The following PTPRN2 variants were observed in gnomAD, a reference collection of about 807,000 sequenced individuals.
The protein encoded by PTPRN2 is receptor-type tyrosine-protein phosphatase N2.
Under a neutral mutation model 118.8 loss-of-function variants are expected in PTPRN2, and 74 were observed. The observed-to-expected ratio is 0.62, with a 90% confidence interval of 0.52 to 0.76. The LOEUF is 0.76. Ranked by LOEUF, PTPRN2 falls within the 30% of genes least tolerant of loss-of-function variation. PTPRN2 has a pLI of 0.00. For missense variants in PTPRN2, 1,481 were observed against 1,394.4 expected (o/e 1.06, Z -0.99); for synonymous variants, 641 against 608.0 (o/e 1.05, Z -0.80).
Position 157,801,042 on chromosome 7 carries a change from T to C in PTPRN2, c.1788+97631A>G, listed in dbSNP as rs541544788. Among the ~76,000 whole-genome samples, 2 of 146,956 alleles carry C rather than the reference T, an allele frequency of 1.4e-5. No homozygotes were observed. The highest frequency in any genetic ancestry group is 3.0e-5 in the Non-Finnish European group (2 of 65,992). On this transcript the variant is annotated intron_variant, in intron 12 of 22. Coordinates refer to ENST00000389418, the MANE Select transcript of PTPRN2 (RefSeq NM_002847.5). The surrounding 1 kb of genome is among the most constrained non-coding windows in gnomAD (Gnocchi z 4.2). ...ACACACATATATATACACATATATA[T>C]ACACATATATACACATATATATACA...
chr7:157,545,719 G>A (rs187081954), intron 22 of PTPRN2, among the ~76,000 whole-genome samples: 9 of 152,150 alleles, frequency 5.9e-5, no homozygotes, highest in Admixed American at 1.3e-4. Flanking sequence ...CTCTCCTGAG[G>A]GGCATCTTTT....
intron 2 of PTPRN2, among the ~76,000 whole-genome samples, chr7:158,481,686 ACT>A (rs1820653242): frequency 6.6e-6 from 1 of 151,038 alleles, no homozygotes; most frequent in Admixed American, 6.6e-5. Context: ...CTGGTCTTGA[ACT>A]CCTGACCTTG....
intron 11 of PTPRN2, among the ~76,000 whole-genome samples, chr7:158,075,888 G>C (rs1004733464): frequency 6.6e-6 from 1 of 152,208 alleles, no homozygotes; most frequent in African/African-American, 2.4e-5. Context: ...GCTCCATGGA[G>C]GACGTGACAC....
intron 2 of PTPRN2, 50 bp downstream of exon 2, chr7:158,489,685 G>A (rs1167828477): frequency 3.3e-6 from 5 of 1,528,422 alleles, no homozygotes; most frequent in East Asian, 2.5e-5. Flanking sequence ...TGCGCACGGC[G>A]GGCAGGAGAG....
At chr7:158,138,632 GGGC>G in intron 6 of PTPRN2, 117 bp from the exon 7 acceptor site, 3 of 879,282 alleles carry the variant, frequency 3.4e-6, no homozygotes, top group Middle Eastern at 2.5e-4. Flanking sequence ...TGGCCACCTA[GGGC>G]CAGGCGCAGG....
intron 11 of PTPRN2, among the ~76,000 whole-genome samples, chr7:158,057,122 G>C (rs563295326): frequency 6.6e-6 from 1 of 152,204 alleles, no homozygotes; most frequent in African/African-American, 2.4e-5. Context: ...CTGTGGACGC[G>C]GGAGCATCTA....
At chr7:157,933,775 T>C (rs370009533) in intron 11 of PTPRN2, among the ~76,000 whole-genome samples, 2,738 of 99,184 alleles carry the variant, frequency 0.028, 52 homozygotes, top group Non-Finnish European at 0.043. Flanking sequence ...TGATTGACAG[T>C]TTTAGAGGAG....
At chr7:157,660,632 C>T (rs1251919385) in intron 13 of PTPRN2, among the ~76,000 whole-genome samples, 2 of 152,120 alleles carry the variant, frequency 1.3e-5, no homozygotes, top group African/African-American at 2.4e-5. Flanking sequence ...CAGAGAAAGC[C>T]TCAAGCATTC....
In PTPRN2 at chr7:157,560,699, C is replaced by T. The variant is rs1310713976; in HGVS notation, c.2902+8203G>A. ...TCTCCCTTGAAGAGAAAGGTGCAGACAGGCTCCCTCTCCCCTTCCCTCCTC... is the reference window on the plus strand; with the variant it reads ...TCTCCCTTGAAGAGAAAGGTGCAGATAGGCTCCCTCTCCCCTTCCCTCCTC... On this transcript the variant is annotated intron_variant, in intron 21 of 22. Coordinates refer to ENST00000389418, the MANE Select transcript of PTPRN2 (RefSeq NM_002847.5). The surrounding 1 kb of genome is among the most constrained non-coding windows in gnomAD (Gnocchi z 6.7). 6.6e-6 allele frequency among the ~76,000 whole-genome samples: 1 copy of T among 152,220 alleles called. No homozygotes were observed. The highest frequency in any genetic ancestry group is 1.5e-5 in the Non-Finnish European group (1 of 68,042).
chr7:158,401,002 T>C (rs932304059), intron 2 of PTPRN2, among the ~76,000 whole-genome samples: 1 of 151,908 alleles, frequency 6.6e-6, no homozygotes, highest in Non-Finnish European at 1.5e-5. Context: ...TGGGCCCTGC[T>C]CCGCCTCCTG....
chr7:157,962,331 A>C (rs62475408), intron 11 of PTPRN2, among the ~76,000 whole-genome samples: 17,249 of 147,864 alleles, frequency 0.12, 1,041 homozygotes, highest in Middle Eastern at 0.21. Flanking sequence ...GTGTTATTCC[A>C]CCAGCGGGAG....
chr7:158,224,471 A>G (rs1828602956), intron 3 of PTPRN2, among the ~76,000 whole-genome samples: 1 of 152,216 alleles, frequency 6.6e-6, no homozygotes, highest in South Asian at 2.1e-4. Context: ...ACAAAGATGC[A>G]TAAACAATTT....
chr7:157,809,492 C>G (rs755649947), intron 12 of PTPRN2, among the ~76,000 whole-genome samples: 1 of 152,138 alleles, frequency 6.6e-6, no homozygotes, highest in African/African-American at 2.4e-5. Flanking sequence ...AACCGTTTCC[C>G]CAAAAAGACA....
intron 1 of PTPRN2, among the ~76,000 whole-genome samples, chr7:158,575,852 T>A (rs1032757479): frequency 1.5e-4 from 23 of 152,112 alleles, no homozygotes; most frequent in Admixed American, 1.2e-3. Context: ...CCAATAATAA[T>A]TTCAGTATTA....
intron 2 of PTPRN2, among the ~76,000 whole-genome samples, chr7:158,327,337 TCA>T (rs955283830): frequency 9.0e-5 from 13 of 144,858 alleles, no homozygotes; most frequent in East Asian, 4.1e-4. Context: ...ACACACGTGC[TCA>T]CACATGCTCA....
intron 2 of PTPRN2, among the ~76,000 whole-genome samples, chr7:158,396,200 G>A (rs1206551086): frequency 6.6e-6 from 1 of 152,180 alleles, no homozygotes; most frequent in African/African-American, 2.4e-5. Flanking sequence ...CCCAGCCAGG[G>A]CTGGTTTTCT....
Position 158,331,624 on chromosome 7 carries a change from C to A in PTPRN2, c.164-14692G>T, listed in dbSNP as rs1156462937. ...ACCACAGAGGTCACTTACAGCCATACTCTCACCATAAGAGGTGACACCTGC... is the reference window on the plus strand; with the variant it reads ...ACCACAGAGGTCACTTACAGCCATAATCTCACCATAAGAGGTGACACCTGC... On this transcript the variant is annotated intron_variant, in intron 2 of 22. Transcript: ENST00000389418. 4.0e-3 allele frequency among the ~76,000 whole-genome samples: 586 copies of A among 145,704 alleles called. 36 individuals are homozygous for A. The highest frequency in any genetic ancestry group is 0.015 in the African/African-American group (550 of 36,428).
rs73744863 is a variant in PTPRN2, at chr7:157,741,379, C to T, written c.1789-58442G>A. ...GGTGAAGGAAGGCATTGCCTGTGGA[C>T]CTCCCTCCCATGGGTGCCCGGCCTG... is the stretch of plus-strand genomic sequence containing the variant. On this transcript the variant is annotated intron_variant, in intron 12 of 22. Transcript: ENST00000389418. 7.2e-3 allele frequency among the ~76,000 whole-genome samples: 1,096 copies of T among 152,328 alleles called. 18 individuals carry two copies. Among genetic ancestry groups the T allele is most frequent in the African/African-American group, 0.024 (990 of 41,572 alleles).
chr7:158,312,582 AAC>A (rs888123600), intron 3 of PTPRN2, among the ~76,000 whole-genome samples: 6 of 150,300 alleles, frequency 4.0e-5, no homozygotes, highest in African/African-American at 1.2e-4. Flanking sequence ...TCCCTACTCA[AAC>A]ACTCCCCCCA....
Sources: allele counts gnomAD v4.1 joint callset (sites outside exome capture counted in the v4.1 genomes callset), GRCh38; gene constraint gnomAD v4.1.1; non-coding constraint Gnocchi (gnomAD v3.1); transcripts MANE v1.5; gene names NCBI Gene and HGNC (gene_info 2026-07-23, HGNC 2026-07-21).